UBE2H: variants seen among roughly 807,000 people sequenced by gnomAD.
UBE2H encodes ubiquitin-conjugating enzyme E2 H.
In UBE2H, 3 loss-of-function variants were observed where a neutral mutation model predicts 29.0. The ratio of observed to expected loss-of-function variants is 0.10; its 90% CI spans 0.05 to 0.27. UBE2H has a LOEUF of 0.27. UBE2H is among the 10% of genes least tolerant of loss of function. The probability of loss-of-function intolerance (pLI) is 1.00; values close to 1 mark genes in which losing one functional copy is unlikely to be tolerated. For missense variants in UBE2H, 68 were observed against 228.2 expected (o/e 0.30, Z 4.52); for synonymous variants, 69 against 82.9 (o/e 0.83, Z 0.91).
intron 3 of UBE2H, among the ~76,000 whole-genome samples, chr7:129,871,802 G>C (rs1370443252): frequency 1.3e-5 from 2 of 151,884 alleles, no homozygotes; most frequent in African/African-American, 4.8e-5. Context: ...ACGGTTATTA[G>C]AGAAGTACAC....
chr7:129,864,346 A>G (rs1012583468), intron 3 of UBE2H, among the ~76,000 whole-genome samples: 1 of 152,140 alleles, frequency 6.6e-6, no homozygotes, highest in Non-Finnish European at 1.5e-5. Context: ...CCTTTTGGCA[A>G]TGCTATCATC....
chr7:129,930,388 C>T (rs1807364529), intron 1 of UBE2H, among the ~76,000 whole-genome samples: 1 of 152,098 alleles, frequency 6.6e-6, no homozygotes, highest in Non-Finnish European at 1.5e-5. Context: ...CTCAAACTCC[C>T]GACGACCTCA....
chr7:129,848,751 A>G (rs1805556293), intron 5 of UBE2H, among the ~76,000 whole-genome samples: 1 of 152,204 alleles, frequency 6.6e-6, no homozygotes. Flanking sequence ...TGCCCAAAAT[A>G]AAGCCAACCA....
chr7:129,880,399 C>T (rs926781263), intron 2 of UBE2H, among the ~76,000 whole-genome samples: 19 of 152,086 alleles, frequency 1.2e-4, no homozygotes, highest in African/African-American at 4.3e-4. Flanking sequence ...CCAGCTACTT[C>T]GAAGGCTGAG....
chr7:129,928,427 A>G (rs1461621552), intron 1 of UBE2H, among the ~76,000 whole-genome samples: 1 of 152,160 alleles, frequency 6.6e-6, no homozygotes, highest in Non-Finnish European at 1.5e-5. Flanking sequence ...ACATGGTGAA[A>G]CCTCGTCTCT....
intron 1 of UBE2H, among the ~76,000 whole-genome samples, chr7:129,939,779 G>A (rs1437681696): frequency 6.6e-6 from 1 of 152,052 alleles, no homozygotes. Flanking sequence ...CCAACATGGT[G>A]AAACCCCATC....
At chr7:129,951,469 A>C (rs1584807169) in intron 1 of UBE2H, 2 of 148,966 alleles carry the variant, frequency 1.3e-5, no homozygotes, top group Admixed American at 6.7e-5. Context: ...GGCTCCCCCT[A>C]CCCTCTAAAC....
At chr7:129,854,067 T>TATTTTTTTTTATTTTTTTTTA (rs977367445) in intron 5 of UBE2H, among the ~76,000 whole-genome samples, 1 of 148,784 alleles carries the variant, frequency 6.7e-6, no homozygotes, top group Non-Finnish European at 1.5e-5. Flanking sequence ...TTAGTTTTTT[T>TATTTTTTTTTATTTTTTTTTA]TTTTTTTTTT....
At chr7:129,905,446 G>A (rs1441821555) in intron 1 of UBE2H, among the ~76,000 whole-genome samples, 1 of 152,070 alleles carries the variant, frequency 6.6e-6, no homozygotes, top group African/African-American at 2.4e-5. Context: ...CAGAAACACT[G>A]GTACACAATT....
chr7:129,887,848 A>G (rs1806395587), intron 1 of UBE2H, among the ~76,000 whole-genome samples: 1 of 152,140 alleles, frequency 6.6e-6, no homozygotes, highest in Non-Finnish European at 1.5e-5. Context: ...ACACCATTGC[A>G]CTCCAGCCTG....
chr7:129,881,891 AAC>A (rs1806262030), intron 1 of UBE2H, among the ~76,000 whole-genome samples: 1 of 152,200 alleles, frequency 6.6e-6, no homozygotes, highest in South Asian at 2.1e-4. Context: ...TGGAATAATC[AAC>A]ACAGTTAATG....
chr7:129,880,264 T>C (rs1355766385), intron 2 of UBE2H, among the ~76,000 whole-genome samples: 1 of 152,176 alleles, frequency 6.6e-6, no homozygotes, highest in Non-Finnish European at 1.5e-5. Context: ...CCCAGCACTT[T>C]GGGAGGCTGA....
intron 3 of UBE2H, among the ~76,000 whole-genome samples, chr7:129,860,027 C>T (rs539233447): frequency 2.0e-5 from 3 of 152,164 alleles, no homozygotes; most frequent in Non-Finnish European, 4.4e-5. Context: ...CCAATAAATA[C>T]CTGCAATCTG....
chr7:129,880,892 T>C lies in UBE2H; in HGVS notation c.130+3A>G. 2 of 1,611,868 alleles carry C rather than the reference T, an allele frequency of 1.2e-6. No individual in the cohort carries two copies. Among genetic ancestry groups the C allele is most frequent in the South Asian group, 2.2e-5 (2 of 90,888 alleles). On this transcript the variant is annotated splice_donor_region_variant and intron_variant, in intron 2 of 6. Transcript: ENST00000355621. ...AAGAACACATACCAACACATGTACT[T>C]ACTTCCTTGTGGTCCATAAAACTTC...
intron 5 of UBE2H, among the ~76,000 whole-genome samples, chr7:129,841,008 C>G (rs1476173627): frequency 1.3e-5 from 2 of 152,122 alleles, no homozygotes; most frequent in South Asian, 2.1e-4. Context: ...TGGGTGAAGG[C>G]CAGGGAAGCT....
intron 1 of UBE2H, among the ~76,000 whole-genome samples, chr7:129,920,243 C>A (rs1457952445): frequency 2.0e-5 from 3 of 150,798 alleles, no homozygotes; most frequent in Non-Finnish European, 4.4e-5. Context: ...GAACATTATG[C>A]AAATAAACAC....
intron 5 of UBE2H, among the ~76,000 whole-genome samples, chr7:129,845,958 T>C (rs1805503585): frequency 6.6e-6 from 1 of 152,166 alleles, no homozygotes; most frequent in African/African-American, 2.4e-5. Flanking sequence ...AAATATGACA[T>C]CCTCAAAGGG....
intron 1 of UBE2H, among the ~76,000 whole-genome samples, chr7:129,918,984 T>G (rs1807099476): frequency 6.6e-6 from 1 of 151,340 alleles, no homozygotes; most frequent in Admixed American, 6.6e-5. Flanking sequence ...CTGAGGTGGC[T>G]GAGGTAGAAG....
At chr7:129,942,934 C>G (rs1807678368) in intron 1 of UBE2H, among the ~76,000 whole-genome samples, 1 of 152,016 alleles carries the variant, frequency 6.6e-6, no homozygotes. Flanking sequence ...CCTCCGACTC[C>G]CAGGTTCAAG....
Sources: allele counts gnomAD v4.1 joint callset (sites outside exome capture counted in the v4.1 genomes callset), GRCh38; gene constraint gnomAD v4.1.1; transcripts MANE v1.5; gene names NCBI Gene and HGNC (gene_info 2026-07-23, HGNC 2026-07-21).